Variants in PKHD1 observed in about 807,000 individuals in gnomAD.
PKHD1 encodes PKHD1 ciliary IPT domain containing fibrocystin/polyductin, also known as fibrocystin.
PKHD1 carries 291 observed loss-of-function variants against 412.0 expected under a neutral mutation model. The ratio of observed to expected loss-of-function variants is 0.71; its 90% CI spans 0.64 to 0.78. PKHD1 has a LOEUF of 0.78. Ranked by LOEUF, PKHD1 falls within the 30% of genes least tolerant of loss-of-function variation. PKHD1 has a pLI of 0.00. For missense variants in PKHD1, 4,825 were observed against 4,950.7 expected (o/e 0.97, Z 0.76); for synonymous variants, 1,777 against 1,821.5 (o/e 0.98, Z 0.62).
chr6:51,756,073 A>G (rs1227017971), intron 55 of PKHD1, among the ~76,000 whole-genome samples: 1 of 152,158 alleles, frequency 6.6e-6, no homozygotes, highest in Non-Finnish European at 1.5e-5. Context: ...TTGCAAGCCA[A>G]TGGCATGAGT....
intron 20 of PKHD1, among the ~76,000 whole-genome samples, chr6:52,053,652 A>C (rs1215612522): frequency 6.6e-6 from 1 of 152,224 alleles, no homozygotes; most frequent in Admixed American, 6.5e-5. Flanking sequence ...TTATGTGGAA[A>C]GCACTGAATC....
intron 52 of PKHD1, among the ~76,000 whole-genome samples, chr6:51,796,472 A>T (rs913489849): frequency 6.7e-6 from 1 of 148,362 alleles, no homozygotes; most frequent in African/African-American, 2.5e-5. Context: ...TGATTTTTTG[A>T]AGGCTTTTCA....
At chr6:52,084,826 T>C in intron 2 of PKHD1, 56 bp downstream of exon 2, 1 of 1,073,210 alleles carries the variant, frequency 9.3e-7, no homozygotes, top group Non-Finnish European at 1.5e-6. Flanking sequence ...ATAATAGTTC[T>C]CAAGGTAACC....
chr6:51,665,010 A>T (rs888456556), intron 60 of PKHD1, among the ~76,000 whole-genome samples: 3 of 152,152 alleles, frequency 2.0e-5, no homozygotes, highest in Non-Finnish European at 4.4e-5. Flanking sequence ...CCAAAAATGA[A>T]AAATATACTC....
chr6:51,711,378 G>A (rs922996358), intron 60 of PKHD1, among the ~76,000 whole-genome samples: 1 of 152,142 alleles, frequency 6.6e-6, no homozygotes, highest in Non-Finnish European at 1.5e-5. Flanking sequence ...TGTTTTCAGT[G>A]GCATTCAGGA....
chr6:51,919,819 T>C (rs2127703634), intron 37 of PKHD1, among the ~76,000 whole-genome samples: 1 of 152,380 alleles, frequency 6.6e-6, no homozygotes, highest in East Asian at 1.9e-4. Context: ...CAGTGGGGTT[T>C]GTAGTTCTCC....
chr6:51,956,474 T>G (rs891883184), intron 36 of PKHD1, among the ~76,000 whole-genome samples: 4 of 152,002 alleles, frequency 2.6e-5, no homozygotes, highest in African/African-American at 9.7e-5. Context: ...CAACATAAAA[T>G]TTTTGAGCCT....
intron 37 of PKHD1, among the ~76,000 whole-genome samples, chr6:51,930,028 G>GA (rs1451663502): frequency 6.6e-6 from 1 of 152,134 alleles, no homozygotes; most frequent in Non-Finnish European, 1.5e-5. Context: ...ATCCTGCTCA[G>GA]ATTCCCACTG....
At chr6:51,698,256 G>A (rs1481223040) in intron 60 of PKHD1, among the ~76,000 whole-genome samples, 1 of 152,192 alleles carries the variant, frequency 6.6e-6, no homozygotes, top group Non-Finnish European at 1.5e-5. Flanking sequence ...CAGACTCATT[G>A]CAGAGTAGAA....
chr6:51,855,076 AT>A (rs1417857991), intron 49 of PKHD1, among the ~76,000 whole-genome samples: 1 of 152,142 alleles, frequency 6.6e-6, no homozygotes, highest in Non-Finnish European at 1.5e-5. Flanking sequence ...CTTCCGACCC[AT>A]GGGTTGCACA....
intron 60 of PKHD1, among the ~76,000 whole-genome samples, chr6:51,716,879 A>G (rs1781330919): frequency 6.6e-6 from 1 of 152,034 alleles, no homozygotes; most frequent in Admixed American, 6.6e-5. Context: ...TAAGGCCAAG[A>G]GTCATAAGGA....
At chr6:52,040,149 T>C (rs948699973) in intron 27 of PKHD1, among the ~76,000 whole-genome samples, 2 of 152,156 alleles carry the variant, frequency 1.3e-5, no homozygotes, top group African/African-American at 4.8e-5. Context: ...TTCCTTTCCA[T>C]GATGATGAAA....
intron 21 of PKHD1, among the ~76,000 whole-genome samples, chr6:52,052,200 A>C (rs1806962314): frequency 6.6e-6 from 1 of 152,234 alleles, no homozygotes; most frequent in South Asian, 2.1e-4. Context: ...GCTGAGCCCC[A>C]AAGCCACAAG....
intron 50 of PKHD1, 119 bp downstream of exon 50, chr6:51,847,656 A>T (rs543593711): frequency 1.3e-5 from 10 of 797,000 alleles, no homozygotes; most frequent in Non-Finnish European, 2.2e-5. Context: ...ACTCAACCAT[A>T]ACACACAGCT....
At chr6:51,752,386 G>A (rs892579950) in intron 57 of PKHD1, among the ~76,000 whole-genome samples, 7 of 152,092 alleles carry the variant, frequency 4.6e-5, no homozygotes, top group East Asian at 1.9e-4. Context: ...CTGGGGTAGC[G>A]GGCAGAAATC....
At chr6:52,056,259 T>C (rs144186963) in intron 18 of PKHD1, among the ~76,000 whole-genome samples, 8 of 152,350 alleles carry the variant, frequency 5.3e-5, no homozygotes, top group Admixed American at 5.2e-4. Context: ...TGTTCAAAAA[T>C]AACTAGAATT....
chr6:52,074,544 C>T (rs539610393), intron 6 of PKHD1, among the ~76,000 whole-genome samples: 17 of 152,308 alleles, frequency 1.1e-4, no homozygotes, highest in Admixed American at 1.0e-3. Flanking sequence ...CTAGCTTTGA[C>T]AGGCACAATT....
intron 50 of PKHD1, among the ~76,000 whole-genome samples, chr6:51,839,217 A>T (rs1769753318): frequency 6.6e-6 from 1 of 152,350 alleles, no homozygotes; most frequent in Non-Finnish European, 1.5e-5. Context: ...TTGAGAATGA[A>T]GGTATTGACT....
chr6:51,642,102 T>C lies in PKHD1; in HGVS notation c.11399-3146A>G, dbSNP rs182981535. On this transcript the variant is annotated intron_variant, in intron 63 of 66. Transcript: ENST00000371117. ...GTAAATGGTTTCATGCCTCATTCAC[T>C]TTTCATGGCCACAACATGATTCTAA... Among the ~76,000 whole-genome samples the C allele has an allele frequency of 6.0e-4, 91 of 152,282 alleles. 1 individual carries two copies. The highest frequency in any genetic ancestry group is 2.1e-3 in the African/African-American group (87 of 41,550).
Sources: allele counts gnomAD v4.1 joint callset (sites outside exome capture counted in the v4.1 genomes callset), GRCh38; gene constraint gnomAD v4.1.1; transcripts MANE v1.5; gene names NCBI Gene and HGNC (gene_info 2026-07-23, HGNC 2026-07-21).